The following SCRN1 variants were observed in gnomAD, a reference collection of about 807,000 sequenced individuals.
SCRN1 encodes the protein secernin-1.
SCRN1 carries 19 observed loss-of-function variants against 43.3 expected under a neutral mutation model. That is an observed-to-expected ratio of 0.44 (90% CI 0.31 to 0.64). SCRN1 has a LOEUF of 0.64. SCRN1 is among the 30% of genes least tolerant of loss of function. SCRN1 has a pLI of 0.09. For synonymous variants in SCRN1, 183 were observed against 188.9 expected, an observed-to-expected ratio of 0.97 and a Z score of 0.26; for missense variants, 447 against 524.1, an observed-to-expected ratio of 0.85 and a Z score of 1.44.
intron 1 of SCRN1, among the ~76,000 whole-genome samples, chr7:29,984,688 T>A (rs576553580): frequency 7.3e-5 from 11 of 150,468 alleles, no homozygotes; most frequent in African/African-American, 2.7e-4. Context: ...CCCAGCACTT[T>A]GGGAAGCCGA....
At chr7:29,986,477 T>C (rs1392114761) in intron 1 of SCRN1, among the ~76,000 whole-genome samples, 1 of 152,080 alleles carries the variant, frequency 6.6e-6, no homozygotes, top group Non-Finnish European at 1.5e-5. Flanking sequence ...CAATACAAAC[T>C]AGCTGCATTT....
chr7:29,937,452 T>C (rs770023240), intron 5 of SCRN1, among the ~76,000 whole-genome samples: 1 of 152,218 alleles, frequency 6.6e-6, no homozygotes, highest in African/African-American at 2.4e-5. Context: ...AATAACCTAC[T>C]ATTTTTTTTA....
At chr7:29,941,093 T>G (rs1389329694) in intron 4 of SCRN1, among the ~76,000 whole-genome samples, 1 of 152,332 alleles carries the variant, frequency 6.6e-6, no homozygotes, top group East Asian at 1.9e-4. Context: ...TATCACATTT[T>G]AAATGAGCAA....
At chr7:29,927,462 C>T (rs1048823639) in intron 6 of SCRN1, among the ~76,000 whole-genome samples, 11 of 149,470 alleles carry the variant, frequency 7.4e-5, no homozygotes, top group Admixed American at 1.4e-4. Context: ...CCAACTGTAA[C>T]GCCGGGGAGA....
upstream of SCRN1, chr7:29,989,864 C>A: frequency 9.9e-7 from 1 of 1,009,816 alleles, no homozygotes; most frequent in Non-Finnish European, 1.2e-6. Flanking sequence ...GCGGGCCCAC[C>A]CTCCGCCTCC....
In SCRN1 at chr7:29,965,025, G is replaced by A. The variant is rs560680871; in HGVS notation, c.159+3884C>T. 1.3e-5 allele frequency among the ~76,000 whole-genome samples: 2 copies of A among 152,164 alleles called. No homozygotes were observed. Among genetic ancestry groups the A allele is most frequent in the Admixed American group, 6.5e-5 (1 of 15,290 alleles). ...CGAATGTACCACATTGATGCCAGAC[G>A]TTACTAGCAGGGTAAACTAGAGGGC... On this transcript the variant is annotated intron_variant, in intron 2 of 7. Coordinates refer to ENST00000242059, the MANE Select transcript of SCRN1 (RefSeq NM_014766.5). This position sits in a 1 kb window ranked among gnomAD's most constrained non-coding sequence, Gnocchi z 4.2.
At chr7:29,937,857 C>T (rs562402463) in intron 5 of SCRN1, among the ~76,000 whole-genome samples, 1 of 152,358 alleles carries the variant, frequency 6.6e-6, no homozygotes, top group African/African-American at 2.4e-5. Context: ...GGCACATTCA[C>T]ATCCTCTTTG....
At chr7:29,942,110 A>G (rs932858529) in intron 4 of SCRN1, among the ~76,000 whole-genome samples, 1 of 152,230 alleles carries the variant, frequency 6.6e-6, no homozygotes, top group Non-Finnish European at 1.5e-5. Flanking sequence ...ACAATTATAA[A>G]CAATTAAAAA....
chr7:29,929,771 G>A (rs527712498), intron 6 of SCRN1, among the ~76,000 whole-genome samples: 92 of 152,324 alleles, frequency 6.0e-4, no homozygotes, highest in African/African-American at 2.0e-3. Context: ...TTCTATTTCT[G>A]TCATGAAGCT....
chr7:29,964,428 C>T (rs754133977), intron 2 of SCRN1, among the ~76,000 whole-genome samples: 4 of 145,762 alleles, frequency 2.7e-5, no homozygotes, highest in Admixed American at 7.0e-5. Context: ...AGGCTACACA[C>T]TGAATGATTC....
chr7:29,939,409 C>G (rs1312554499), intron 5 of SCRN1, among the ~76,000 whole-genome samples: 1 of 152,196 alleles, frequency 6.6e-6, no homozygotes, highest in Non-Finnish European at 1.5e-5. Flanking sequence ...TGAGGTCTTG[C>G]TAAGTTACCC....
intron 6 of SCRN1, among the ~76,000 whole-genome samples, chr7:29,934,676 T>C (rs754381358): frequency 1.3e-5 from 2 of 152,196 alleles, no homozygotes; most frequent in African/African-American, 2.4e-5. Context: ...GTAGAAGGTA[T>C]GGCCATGGAG....
At chr7:29,939,273 G>A (rs2128089373) in intron 5 of SCRN1, among the ~76,000 whole-genome samples, 1 of 152,144 alleles carries the variant, frequency 6.6e-6, no homozygotes. Context: ...GAGTGAGGTG[G>A]TGCAATCATA....
intron 1 of SCRN1, chr7:29,988,463 A>G (rs1310420705): frequency 6.6e-6 from 1 of 152,358 alleles, no homozygotes; most frequent in African/African-American, 2.4e-5. Context: ...TCTCTACTCC[A>G]TACCCGGATG....
chr7:29,936,818 G>A (rs1049591795), intron 5 of SCRN1, 97 bp from the exon 6 acceptor site: 15 of 986,884 alleles, frequency 1.5e-5, no homozygotes, highest in South Asian at 2.8e-5. Flanking sequence ...AGGCCGAGGC[G>A]GGCGGATCAC....
intron 5 of SCRN1, among the ~76,000 whole-genome samples, chr7:29,937,403 G>C (rs1410426442): frequency 2.0e-5 from 3 of 152,100 alleles, no homozygotes; most frequent in African/African-American, 7.2e-5. Context: ...AACCAGCCCT[G>C]GACTGGCCGT....
intron 1 of SCRN1, among the ~76,000 whole-genome samples, chr7:29,971,505 C>T (rs543278530): frequency 1.6e-3 from 247 of 151,994 alleles, no homozygotes; most frequent in African/African-American, 5.7e-3. Flanking sequence ...TGGTGACATG[C>T]ACCTGTAGTC....
intron 5 of SCRN1, 135 bp downstream of exon 5, chr7:29,940,547 C>A (rs1787502936): frequency 1.4e-6 from 1 of 727,446 alleles, no homozygotes; most frequent in Non-Finnish European, 2.1e-6. Flanking sequence ...GGACTTTTAG[C>A]AGAAGTTGGT....
At chr7:29,954,187 T>C (rs1455120649) in intron 3 of SCRN1, among the ~76,000 whole-genome samples, 3 of 152,034 alleles carry the variant, frequency 2.0e-5, no homozygotes, top group Non-Finnish European at 4.4e-5. Context: ...CCCTGCCCTA[T>C]CCAGCTCGCA....
Sources: gnomAD v4.1 joint callset for allele counts (sites outside exome capture counted in the v4.1 genomes callset) on GRCh38, gnomAD v4.1.1 for gene constraint, Gnocchi (gnomAD v3.1) non-coding constraint, MANE v1.5 for transcripts, NCBI Gene and HGNC (gene_info 2026-07-23, HGNC 2026-07-21) for gene names.